Variants in SCAF8 observed in about 807,000 individuals in gnomAD.
The protein encoded by SCAF8 is SR-related and CTD-associated factor 8.
SCAF8 carries 23 observed loss-of-function variants against 140.5 expected under a neutral mutation model. The ratio of observed to expected loss-of-function variants is 0.16; its 90% confidence interval spans 0.12 to 0.23. The LOEUF is 0.23. Ranked by LOEUF, SCAF8 falls within the 10% of genes least tolerant of loss-of-function variation. The pLI is 1.00. For missense variants in SCAF8, 1,397 were observed against 1,555.7 expected, an observed-to-expected ratio of 0.90 and a Z score of 1.72; for synonymous variants, 575 against 528.9, an observed-to-expected ratio of 1.09 and a Z score of -1.20.
chr6:154,796,389 C>CTCTCTCTCTCTGTCTG (rs376622207), intron 6 of SCAF8, among the ~76,000 whole-genome samples: 6,934 of 140,706 alleles, frequency 0.049, 319 homozygotes, highest in African/African-American at 0.079. Context: ...CTCTCTCTCT[C>CTCTCTCTCTCTGTCTG]TCTGTCTCTC....
intron 1 of SCAF8, among the ~76,000 whole-genome samples, chr6:154,747,727 A>G (rs1778737097): frequency 6.6e-6 from 1 of 152,216 alleles, no homozygotes; most frequent in Non-Finnish European, 1.5e-5. Context: ...CATCAAAAAC[A>G]GAGCAAAACA....
intron 1 of SCAF8, among the ~76,000 whole-genome samples, chr6:154,734,533 C>G (rs1041649928): frequency 4.6e-5 from 7 of 152,192 alleles, no homozygotes; most frequent in African/African-American, 1.4e-4. Flanking sequence ...TTTTTACTCG[C>G]TCCTCTTCTA....
chr6:154,790,489 A>ATTTTTTTCTTTTTTTTTT (rs1777381988), intron 4 of SCAF8, among the ~76,000 whole-genome samples: 1 of 70,802 alleles, frequency 1.4e-5, no homozygotes, highest in Non-Finnish European at 2.6e-5. Flanking sequence ...ATTTAACAGA[A>ATTTTTTTCTTTTTTTTTT]TTTTTTTTTT....
In SCAF8 at chr6:154,803,616, T is replaced by A; in HGVS notation, c.856T>A (p.Ser286Thr). 6.2e-7 allele frequency: 1 copy of A among 1,608,462 alleles called. No homozygotes were observed. The highest frequency in any genetic ancestry group is 8.5e-7 in the Non-Finnish European group (1 of 1,176,292). ...SEEPKKEIPA[S>T]QLSHVSESVN... ...AGAACCCAAAAAGGAAATTCCAGCT[T>A]CACAACTGTAAGAATTTTTTCTTTA... The change falls in exon 8 of 20, where the codon TCA becomes ACA. Residue 286 changes from serine (S) to threonine (T), a missense_variant. Coordinates refer to ENST00000367178, the MANE Select transcript of SCAF8 (RefSeq NM_014892.5).
chr6:154,801,988 A>G lies in SCAF8; in HGVS notation c.624A>G (p.Gln208=), dbSNP rs1338431782. 2 of 1,594,382 alleles carry G rather than the reference A, an allele frequency of 1.3e-6. No homozygotes were observed. Among genetic ancestry groups the G allele is most frequent in the Admixed American group, 1.8e-5 (1 of 54,430 alleles). ...CTCTCCAGCTTCAACAATTAATACAAACCTTACAGATACAACAACAGAAGC... is the reference window on the plus strand; with the variant it reads ...CTCTCCAGCTTCAACAATTAATACAGACCTTACAGATACAACAACAGAAGC... ...PQGQQLQQLI[Q]TLQIQQQKPQ... is the part of the protein sequence containing the mutation. The change falls in exon 7 of 20, where the codon CAA becomes CAG. Residue 208 remains glutamine (Q), a synonymous_variant. Coordinates refer to ENST00000367178, the MANE Select transcript of SCAF8 (RefSeq NM_014892.5).
chr6:154,824,456 A>G lies in SCAF8; in HGVS notation c.2071+78A>G, dbSNP rs148537135. 3.0e-5 allele frequency: 40 copies of G among 1,328,286 alleles called. No individual in the cohort carries two copies. In the Middle Eastern group the frequency reaches 5.6e-4, roughly 19 times the overall value. The allele number at this position is 1,328,286 out of a possible 1,614,324, so 82.3% of individuals were successfully genotyped here. ...TGTGTTTCTTCCAGATTTAAGTACC[A>G]TAGAGCAGTGGTTCTGAGACCTTAG... On this transcript the variant is annotated intron_variant, in intron 17 of 19. Coordinates refer to ENST00000367178, the MANE Select transcript of SCAF8 (RefSeq NM_014892.5).
intron 1 of SCAF8, among the ~76,000 whole-genome samples, chr6:154,770,834 T>A (rs1776742059): frequency 6.6e-6 from 1 of 152,182 alleles, no homozygotes; most frequent in African/African-American, 2.4e-5. Context: ...AACCTCCATC[T>A]CCCAGGTTCA....
At position 154,802,039 on chromosome 6, in the gene SCAF8, A is replaced by G. The variant is rs1777787380; in HGVS notation, c.675A>G (p.Leu225=). 6.2e-7 allele frequency: 1 copy of G among 1,612,900 alleles called. No homozygotes were observed. Among genetic ancestry groups the G allele is most frequent in the Non-Finnish European group, 8.5e-7 (1 of 1,179,350 alleles). ...CCCAGCCTTCCATTCTGCAGGCCCT[A>G]GATGCTGGTCTTGTTGTTCAGTTGC... ...QKPQPSILQA[L]DAGLVVQLQA... The change falls in exon 7 of 20, where the codon CTA becomes CTG. Residue 225 remains leucine (L), a synonymous_variant. Coordinates refer to ENST00000367178, the MANE Select transcript of SCAF8 (RefSeq NM_014892.5).
chr6:154,793,993 C>T (rs1276615747), intron 5 of SCAF8, among the ~76,000 whole-genome samples: 3 of 151,814 alleles, frequency 2.0e-5, no homozygotes, highest in African/African-American at 7.3e-5. Flanking sequence ...GTGATCATAG[C>T]TCACTGCAGC....
intron 1 of SCAF8, among the ~76,000 whole-genome samples, chr6:154,753,364 G>A (rs1252955635): frequency 6.6e-6 from 1 of 152,198 alleles, no homozygotes; most frequent in Non-Finnish European, 1.5e-5. Flanking sequence ...TTACTCGGGA[G>A]GCTGAGTCAG....
intron 13 of SCAF8, among the ~76,000 whole-genome samples, chr6:154,817,082 A>G (rs1164251791): frequency 6.6e-6 from 1 of 152,184 alleles, no homozygotes; most frequent in Non-Finnish European, 1.5e-5. Context: ...GTCTATAATC[A>G]TATACTTTCT....
intron 1 of SCAF8, among the ~76,000 whole-genome samples, chr6:154,738,793 T>A (rs1217942413): frequency 1.3e-5 from 2 of 152,248 alleles, no homozygotes; most frequent in Admixed American, 1.3e-4. Context: ...ATTGCTGGAA[T>A]GCAGCAGTTT....
At chr6:154,748,741 A>G (rs1194324246) in intron 1 of SCAF8, among the ~76,000 whole-genome samples, 1 of 152,242 alleles carries the variant, frequency 6.6e-6, no homozygotes, top group Admixed American at 6.5e-5. Flanking sequence ...GGTAATTTCA[A>G]GAATGAAAGT....
At position 154,808,809 on chromosome 6, in the gene SCAF8, G is replaced by A; in HGVS notation, c.1226+11G>A. 6.4e-7 allele frequency: 1 copy of A among 1,556,624 alleles called. No homozygotes were observed. The highest frequency in any genetic ancestry group is 8.9e-7 in the Non-Finnish European group (1 of 1,128,520). On this transcript the variant is annotated intron_variant, in intron 11 of 19. Transcript: ENST00000367178. ...ACGATCTCGTTCAAGGTTCTACAAT[G>A]ATATTTAATAATAGCCGTGTGTGAA...
At chr6:154,812,045 CTGTTT>C (rs1015182872) in intron 12 of SCAF8, among the ~76,000 whole-genome samples, 2 of 151,860 alleles carry the variant, frequency 1.3e-5, no homozygotes, top group African/African-American at 4.8e-5. Flanking sequence ...TTTTTTATTT[CTGTTT>C]TATTTTCATG....
intron 4 of SCAF8, among the ~76,000 whole-genome samples, chr6:154,789,848 A>G (rs1777363284): frequency 1.3e-5 from 2 of 152,166 alleles, no homozygotes; most frequent in African/African-American, 4.8e-5. Context: ...CCTGGCCTAG[A>G]ATGCTTCTTT....
chr6:154,808,666 C>A lies in SCAF8; in HGVS notation c.1114-20C>A, dbSNP rs774651748. 2.7e-6 allele frequency: 4 copies of A among 1,462,212 alleles called. No homozygotes were observed. The highest frequency in any genetic ancestry group is 3.8e-6 in the Non-Finnish European group (4 of 1,042,270). 90.6% of individuals were successfully genotyped at this position (1,462,212 alleles called of 1,614,324 possible). ...CTCAACCAGCCTTTCTGTTTGTTTG[C>A]TGTTCTTTTGACTTTCAAGGATATG... On this transcript the variant is annotated intron_variant, in intron 10 of 19. Transcript: ENST00000367178.
At chr6:154,734,701 A>C (rs185638146) in intron 1 of SCAF8, among the ~76,000 whole-genome samples, 35 of 152,318 alleles carry the variant, frequency 2.3e-4, no homozygotes, top group African/African-American at 8.2e-4. Flanking sequence ...ACTAGTCTGG[A>C]AGAAGACAGG....
chr6:154,802,358 C>T (rs1209783202), intron 7 of SCAF8, among the ~76,000 whole-genome samples: 1 of 151,992 alleles, frequency 6.6e-6, no homozygotes, highest in East Asian at 1.9e-4. Flanking sequence ...GTGGCTCACA[C>T]CTATAATCCC....
Sources: gnomAD v4.1 joint callset for allele counts (sites outside exome capture counted in the v4.1 genomes callset) on GRCh38, gnomAD v4.1.1 for gene constraint, MANE v1.5 for transcripts, NCBI Gene and HGNC (gene_info 2026-07-23, HGNC 2026-07-21) for gene names.